GLI3: variants seen among roughly 807,000 people sequenced by gnomAD.
GLI3 encodes the protein transcription activator GLI3.
In GLI3, 20 loss-of-function variants were observed where a neutral mutation model predicts 100.8. That is an observed-to-expected ratio of 0.20 (90% CI 0.14 to 0.29). GLI3 has a LOEUF of 0.29. Ranked by LOEUF, GLI3 falls within the 10% of genes least tolerant of loss-of-function variation. The pLI, the probability that GLI3 is intolerant of heterozygous loss-of-function variation, is 1.00. For missense variants in GLI3, 2,040 were observed against 2,128.5 expected (o/e 0.96, Z 0.82); for synonymous variants, 938 against 860.5 (o/e 1.09, Z -1.58).
chr7:42,081,293 A>AT (rs1160900507), intron 3 of GLI3, among the ~76,000 whole-genome samples: 17 of 152,282 alleles, frequency 1.1e-4, no homozygotes, highest in Admixed American at 1.1e-3. Flanking sequence ...TCAACTGTAC[A>AT]TGCTTATGGT....
intron 2 of GLI3, among the ~76,000 whole-genome samples, chr7:42,213,350 T>C (rs1788307806): frequency 6.6e-6 from 1 of 152,224 alleles, no homozygotes; most frequent in African/African-American, 2.4e-5. Context: ...AAATGGTCAC[T>C]TCGGGAATGA....
chr7:42,232,395 G>T (rs1017703637), intron 1 of GLI3, among the ~76,000 whole-genome samples: 1 of 152,208 alleles, frequency 6.6e-6, no homozygotes, highest in Non-Finnish European at 1.5e-5. Flanking sequence ...TCTACAAGTC[G>T]ACAGAGTACA....
chr7:42,084,246 C>T (rs1041117339), intron 3 of GLI3, among the ~76,000 whole-genome samples: 3 of 152,198 alleles, frequency 2.0e-5, no homozygotes, highest in African/African-American at 7.2e-5. Flanking sequence ...CTTCTGTGCT[C>T]CTCAACAAAC....
chr7:42,239,795 C>T (rs1379118428), upstream of GLI3, among the ~76,000 whole-genome samples: 4 of 152,200 alleles, frequency 2.6e-5, no homozygotes, highest in African/African-American at 9.7e-5. Context: ...ATGTGTCCAA[C>T]TCTGCTTTAA....
intron 2 of GLI3, among the ~76,000 whole-genome samples, chr7:42,202,182 A>AT (rs1330510125): frequency 2.0e-5 from 3 of 151,912 alleles, no homozygotes; most frequent in African/African-American, 4.8e-5. Flanking sequence ...TCATGAATGC[A>AT]TTTTTTTAAA....
At chr7:42,158,875 C>T (rs3823729) in intron 2 of GLI3, among the ~76,000 whole-genome samples, 38,125 of 152,052 alleles carry the variant, frequency 0.25, 5,487 homozygotes, top group Non-Finnish European at 0.33. Context: ...TTTAATCAAA[C>T]GAACTTAACT....
chr7:42,173,394 CTT>C (rs1787417269), intron 2 of GLI3, among the ~76,000 whole-genome samples: 1 of 152,144 alleles, frequency 6.6e-6, no homozygotes, highest in Non-Finnish European at 1.5e-5. Flanking sequence ...CTTGTTCAGT[CTT>C]TGCAATAAAA....
intron 2 of GLI3, among the ~76,000 whole-genome samples, chr7:42,184,243 GTC>G (rs1367423110): frequency 6.6e-6 from 1 of 152,226 alleles, no homozygotes; most frequent in African/African-American, 2.4e-5. Flanking sequence ...GCTCTGGCCA[GTC>G]TCTGTTTCTG....
chr7:42,113,577 A>G, intron 3 of GLI3: 1 of 1,061,444 alleles, frequency 9.4e-7, no homozygotes, highest in Non-Finnish European at 1.4e-6. Context: ...GGAGTTGCCA[A>G]AAAAGACCAG....
chr7:42,122,729 T>C (rs1009854909), intron 3 of GLI3, among the ~76,000 whole-genome samples: 2 of 152,196 alleles, frequency 1.3e-5, no homozygotes, highest in African/African-American at 4.8e-5. Context: ...GTCAAGTATA[T>C]TCTAAAAGAT....
chr7:42,010,405 T>C (rs1300112965), intron 10 of GLI3, among the ~76,000 whole-genome samples: 1 of 152,156 alleles, frequency 6.6e-6, no homozygotes, highest in African/African-American at 2.4e-5. Context: ...CAGCTTTAAG[T>C]TTAGGATAAT....
At chr7:42,121,129 A>G (rs846397) in intron 3 of GLI3, among the ~76,000 whole-genome samples, 65,709 of 152,136 alleles carry the variant, frequency 0.43, 16,148 homozygotes, top group African/African-American at 0.67. Context: ...CTTCGACTTG[A>G]ATCACACCTC....
At position 42,015,041 on chromosome 7, in the gene GLI3, CAAA is replaced by C. The variant is rs1163159666; in HGVS notation, c.1497+8424_1497+8426del. ...TGTTTGAATAAAGCTTTTGAGTTTA[CAAA>C]GTACTTCCATTATAGGATCTCATTC... On this transcript the variant is annotated intron_variant, in intron 10 of 14. Coordinates refer to ENST00000395925, the MANE Select transcript of GLI3 (RefSeq NM_000168.6). 2.6e-5 allele frequency among the ~76,000 whole-genome samples: 4 copies of C among 152,298 alleles called. No individual in the cohort carries two copies. The South Asian group carries it at 8.3e-4, about 32-fold the overall frequency.
In GLI3 at chr7:42,075,998, G is replaced by C. The variant is rs1784871722; in HGVS notation, c.473+754C>G. 3.9e-5 allele frequency among the ~76,000 whole-genome samples: 6 copies of C among 152,308 alleles called. No individual in the cohort carries two copies. In the South Asian group the frequency reaches 1.2e-3, roughly 32 times the overall value. On this transcript the variant is annotated intron_variant, in intron 4 of 14. Coordinates refer to ENST00000395925, the MANE Select transcript of GLI3 (RefSeq NM_000168.6). ...GTCTCAGAATAAAGGGTGATTATTA[G>C]ATATGAATAAATGTATATATCAAGG... is the stretch of plus-strand genomic sequence containing the variant.
intron 2 of GLI3, among the ~76,000 whole-genome samples, chr7:42,168,556 G>A (rs1409877088): frequency 4.6e-5 from 7 of 152,114 alleles, no homozygotes; most frequent in Non-Finnish European, 5.9e-5. Context: ...TAATGTAGAT[G>A]AATCTCGTAA....
chr7:41,998,006 A>C (rs561562082), intron 10 of GLI3, among the ~76,000 whole-genome samples: 1 of 152,202 alleles, frequency 6.6e-6, no homozygotes. Flanking sequence ...CCGGCTGCAC[A>C]CTTAAAATTT....
Position 41,964,646 on chromosome 7 carries a change from T to C in GLI3, c.4427A>G (p.Asn1476Ser). The change falls in exon 15 of 15, where the codon AAC becomes AGC. Residue 1476 changes from asparagine to serine, a missense_variant. Physicochemically the swap from Asn to Ser is conservative, Grantham distance 46. Coordinates refer to ENST00000395925, the MANE Select transcript of GLI3 (RefSeq NM_000168.6). ...SCLLQGTSAKNSELLSPGANQ... is the reference protein window; with the variant it reads ...SCLLQGTSAKSSELLSPGANQ... ...AGCACCTGGGGAAAGTAACTCAGAGTTTTTGGCGCTGGTCCCCTGTAGCAG... is the reference window on the plus strand; with the variant it reads ...AGCACCTGGGGAAAGTAACTCAGAGCTTTTGGCGCTGGTCCCCTGTAGCAG... 1 of 1,613,200 alleles carries C rather than the reference T, an allele frequency of 6.2e-7. No individual in the cohort carries two copies. Among genetic ancestry groups the C allele is most frequent in the Non-Finnish European group, 8.5e-7 (1 of 1,179,306 alleles).
At chr7:42,150,680 C>T (rs1222174030) in intron 2 of GLI3, among the ~76,000 whole-genome samples, 1 of 152,188 alleles carries the variant, frequency 6.6e-6, no homozygotes, top group Non-Finnish European at 1.5e-5. Flanking sequence ...CTCGGCTAAC[C>T]TGTTCCAGGT....
At chr7:41,994,539 T>A (rs1358103733) in intron 10 of GLI3, among the ~76,000 whole-genome samples, 2 of 152,214 alleles carry the variant, frequency 1.3e-5, no homozygotes, top group Non-Finnish European at 2.9e-5. Context: ...CAAAATTCTG[T>A]GGTCCTTCCA....
Sources: allele counts gnomAD v4.1 joint callset (sites outside exome capture counted in the v4.1 genomes callset), GRCh38; gene constraint gnomAD v4.1.1; transcripts MANE v1.5; gene names NCBI Gene and HGNC (gene_info 2026-07-23, HGNC 2026-07-21).